ADAMTS2: variants seen among roughly 807,000 people sequenced by gnomAD.
ADAMTS2 encodes ADAM metallopeptidase with thrombospondin type 1 motif 2, also known as A disintegrin and metalloproteinase with thrombospondin motifs 2.
In ADAMTS2, 50 loss-of-function variants were observed where a neutral mutation model predicts 123.0. The ratio of observed to expected loss-of-function variants is 0.41; its 90% CI spans 0.32 to 0.51. The LOEUF is 0.51. Ranked by LOEUF, ADAMTS2 falls within the 20% of genes least tolerant of loss-of-function variation. The probability of loss-of-function intolerance (pLI) is 0.35; values close to 1 mark genes in which losing one functional copy is unlikely to be tolerated. For synonymous variants in ADAMTS2, 678 were observed against 695.4 expected (o/e 0.98, Z 0.39); for missense variants, 1,494 against 1,705.2 (o/e 0.88, Z 2.18).
intron 2 of ADAMTS2, among the ~76,000 whole-genome samples, chr5:179,276,045 G>A (rs1168115903): frequency 6.6e-6 from 1 of 152,312 alleles, no homozygotes; most frequent in South Asian, 2.1e-4. Flanking sequence ...GGCTGTGGGA[G>A]GAGAGCGGAA....
At chr5:179,264,382 A>C (rs1157522908) in intron 3 of ADAMTS2, among the ~76,000 whole-genome samples, 1 of 152,200 alleles carries the variant, frequency 6.6e-6, no homozygotes, top group Non-Finnish European at 1.5e-5. Context: ...TCCTACATCC[A>C]AGGCACAGAT....
chr5:179,307,469 C>T lies in ADAMTS2; in HGVS notation c.535-34405G>A. Among the ~76,000 whole-genome samples the T allele has an allele frequency of 6.6e-6, 1 of 152,298 alleles. No individual in the cohort carries two copies. Among genetic ancestry groups the T allele is most frequent in the East Asian group, 1.9e-4 (1 of 5,172 alleles). The stretch of plus-strand genomic sequence containing the variant: ...CAGGGGCTTCCCGGGTCATGCTGCA[C>T]CATCCACTAATAGCACCATCACGTA... On this transcript the variant is annotated intron_variant, in intron 2 of 21. Coordinates refer to ENST00000251582, the MANE Select transcript of ADAMTS2 (RefSeq NM_014244.5). The surrounding 1 kb of genome is among the most constrained non-coding windows in gnomAD (Gnocchi z 5.6).
At chr5:179,186,612 C>T (rs1047112031) in intron 4 of ADAMTS2, among the ~76,000 whole-genome samples, 8 of 152,230 alleles carry the variant, frequency 5.3e-5, no homozygotes, top group East Asian at 1.9e-4. Flanking sequence ...TGGGAGTAAT[C>T]AGTGTAATTC....
intron 2 of ADAMTS2, among the ~76,000 whole-genome samples, chr5:179,292,393 T>G (rs1218666734): frequency 6.6e-6 from 1 of 151,436 alleles, no homozygotes; most frequent in African/African-American, 2.4e-5. Context: ...CACTCGACCA[T>G]AAAGAACAGG....
chr5:179,144,665 A>G (rs183395696), intron 10 of ADAMTS2, among the ~76,000 whole-genome samples: 84 of 152,356 alleles, frequency 5.5e-4, no homozygotes, highest in Non-Finnish European at 1.1e-3. Flanking sequence ...CTCTTCAACG[A>G]ATGGTTCTGA....
intron 4 of ADAMTS2, 38 bp downstream of exon 4, chr5:179,207,475 T>TCCCCCCCC: frequency 3.4e-6 from 2 of 588,612 alleles, no homozygotes; most frequent in Admixed American, 2.0e-5. Context: ...TGGTTGACCC[T>TCCCCCCCC]CCCCGCCCCA....
intron 2 of ADAMTS2, among the ~76,000 whole-genome samples, chr5:179,339,717 G>A (rs1199287589): frequency 6.6e-6 from 1 of 152,176 alleles, no homozygotes; most frequent in Non-Finnish European, 1.5e-5. Flanking sequence ...TTGCGATCCA[G>A]GCAGTGCCAA....
chr5:179,328,083 C>G (rs1757360822), intron 2 of ADAMTS2, among the ~76,000 whole-genome samples: 1 of 152,222 alleles, frequency 6.6e-6, no homozygotes, highest in African/African-American at 2.4e-5. Flanking sequence ...GGCTGGAGTG[C>G]AGTGGTGCAA....
rs1473770249 is a variant in ADAMTS2, at chr5:179,303,111, G to A, written c.535-30047C>T. ...CTGTGCAGTGGGCAGCCCCTGGAGG[G>A]TGGAAGAGACCTGATTCCCCTGTCA... On this transcript the variant is annotated intron_variant, in intron 2 of 21. Transcript: ENST00000251582. The surrounding 1 kb of genome is among the most constrained non-coding windows in gnomAD (Gnocchi z 4.7). Among the ~76,000 whole-genome samples the A allele has an allele frequency of 6.6e-6, 1 of 152,100 alleles. No homozygotes were observed. The highest frequency in any genetic ancestry group is 6.5e-5 in the Admixed American group (1 of 15,274).
Position 179,180,281 on chromosome 5 carries a change from C to T in ADAMTS2, c.975+791G>A, listed in dbSNP as rs573951431. ...CTGGCGGCTACACACCCATGCACAC[C>T]GCCAGGAAAGGACGTCCCAGGTTTG... On this transcript the variant is annotated intron_variant, in intron 5 of 21. Coordinates refer to ENST00000251582, the MANE Select transcript of ADAMTS2 (RefSeq NM_014244.5). The surrounding 1 kb of genome is among the most constrained non-coding windows in gnomAD (Gnocchi z 4.6). Among the ~76,000 whole-genome samples the T allele has an allele frequency of 1.8e-4, 27 of 152,286 alleles. No individual in the cohort carries two copies. The highest frequency in any genetic ancestry group is 4.0e-4 in the Non-Finnish European group (27 of 68,032).
At chr5:179,154,433 T>TG (rs752526807) in intron 7 of ADAMTS2, among the ~76,000 whole-genome samples, 2 of 152,060 alleles carry the variant, frequency 1.3e-5, no homozygotes, top group Admixed American at 6.5e-5. Flanking sequence ...CATGCACACC[T>TG]GGGGGGGACC....
intron 3 of ADAMTS2, among the ~76,000 whole-genome samples, chr5:179,214,085 C>T (rs1280082035): frequency 6.6e-6 from 1 of 151,938 alleles, no homozygotes; most frequent in Non-Finnish European, 1.5e-5. Flanking sequence ...AAAGCCGTGC[C>T]CACAGTCACC....
chr5:179,181,959 C>T lies in ADAMTS2; in HGVS notation c.892-804G>A, dbSNP rs971138595. Among the ~76,000 whole-genome samples the T allele has an allele frequency of 5.9e-5, 9 of 152,130 alleles. No homozygotes were observed. Among genetic ancestry groups the T allele is most frequent in the African/African-American group, 1.7e-4 (7 of 41,418 alleles). On this transcript the variant is annotated intron_variant, in intron 4 of 21. Transcript: ENST00000251582. This position sits in a 1 kb window ranked among gnomAD's most constrained non-coding sequence, Gnocchi z 4.1. The stretch of plus-strand genomic sequence containing the variant: ...GCTCGAGGCTGTCAGGGGCTTCCTT[C>T]GCACTGAGCCCCCACCCTCCAGCTT...
intron 3 of ADAMTS2, among the ~76,000 whole-genome samples, chr5:179,265,782 C>T (rs1285508917): frequency 2.0e-5 from 3 of 152,236 alleles, no homozygotes; most frequent in Admixed American, 6.5e-5. Flanking sequence ...AGGACAGGAG[C>T]GCCGCGGCGT....
intron 3 of ADAMTS2, among the ~76,000 whole-genome samples, chr5:179,230,417 G>A (rs751694349): frequency 7.2e-5 from 11 of 152,132 alleles, no homozygotes; most frequent in African/African-American, 4.8e-5. Context: ...TCACTTATGC[G>A]CTCCAGGGCC....
intron 17 of ADAMTS2, 45 bp downstream of exon 17, chr5:179,127,914 G>A: frequency 6.2e-7 from 1 of 1,610,914 alleles, no homozygotes; most frequent in Non-Finnish European, 8.5e-7. Context: ...CCTTCTCGTG[G>A]TCACCCTCAT....
rs1762690801 is a variant in ADAMTS2 at position 179,117,935 on chromosome 5, T to A, written c.3179-3611A>T. 6.6e-6 allele frequency among the ~76,000 whole-genome samples: 1 copy of A among 152,186 alleles called. No homozygotes were observed. The highest frequency in any genetic ancestry group is 2.1e-4 in the South Asian group (1 of 4,822). ...TCCAATGCCCAAAATATTGACTACC[T>A]GGCCCTTTACAGAAAAGGTTGACTG... On this transcript the variant is annotated intron_variant, in intron 21 of 21. Transcript: ENST00000251582. This position sits in a 1 kb window ranked among gnomAD's most constrained non-coding sequence, Gnocchi z 4.2.
rs1025089076 is a variant in ADAMTS2, at chr5:179,115,849, A to T, written c.3179-1525T>A. Among the ~76,000 whole-genome samples the T allele has an allele frequency of 6.6e-6, 1 of 151,976 alleles. No individual in the cohort carries two copies. Among genetic ancestry groups the T allele is most frequent in the East Asian group, 1.9e-4 (1 of 5,172 alleles). On this transcript the variant is annotated intron_variant, in intron 21 of 21. Coordinates refer to ENST00000251582, the MANE Select transcript of ADAMTS2 (RefSeq NM_014244.5). The surrounding 1 kb of genome is among the most constrained non-coding windows in gnomAD (Gnocchi z 4.4). ...CTTCCATCGAGGGCCAGTGGTTCTG[A>T]TGTCCTGCTTCTTAATGGCCACTGC...
chr5:179,245,173 C>T lies in ADAMTS2; in HGVS notation c.688+27738G>A, dbSNP rs553242905. On this transcript the variant is annotated intron_variant, in intron 3 of 21. Transcript: ENST00000251582. ...GAGAGAAACTGGAGGGATGGCTGCA[C>T]GGGAAGGACTTGGCCTGATGTTGCT... 3.7e-4 allele frequency among the ~76,000 whole-genome samples: 56 copies of T among 152,090 alleles called. 1 individual carries two copies. The South Asian group carries it at 9.8e-3, about 27-fold the overall frequency.
Sources: gnomAD v4.1 joint callset for allele counts (sites outside exome capture counted in the v4.1 genomes callset) on GRCh38, gnomAD v4.1.1 for gene constraint, Gnocchi (gnomAD v3.1) non-coding constraint, MANE v1.5 for transcripts, NCBI Gene and HGNC (gene_info 2026-07-23, HGNC 2026-07-21) for gene names.